PSD3: variants seen among roughly 807,000 people sequenced by gnomAD.
PSD3 encodes pleckstrin and Sec7 domain containing 3.
Under a neutral mutation model 105.5 loss-of-function variants are expected in PSD3, and 49 were observed. The observed-to-expected ratio is 0.46, with a 90% CI of 0.37 to 0.59. The LOEUF (loss-of-function observed/expected upper bound fraction) is 0.59. Among genes scored for constraint, PSD3 ranks in the 20% least tolerant of loss-of-function variants. The pLI is 0.00. For synonymous variants in PSD3, 557 were observed against 457.8 expected (o/e 1.22, Z -2.77); for missense variants, 1,561 against 1,263.8 (o/e 1.24, Z -3.57).
intron 15 of PSD3, among the ~76,000 whole-genome samples, chr8:18,550,836 T>C (rs1800722216): frequency 6.6e-6 from 1 of 152,190 alleles, no homozygotes; most frequent in South Asian, 2.1e-4. Context: ...TCTATTAACC[T>C]ACACTATCTC....
At chr8:18,655,358 A>T (rs1808815280) in intron 10 of PSD3, among the ~76,000 whole-genome samples, 1 of 151,916 alleles carries the variant, frequency 6.6e-6, no homozygotes, top group Admixed American at 6.6e-5. Context: ...TTAAAAGACA[A>T]TTAATTACCT....
At chr8:18,538,422 A>G (rs1043826801) in intron 15 of PSD3, among the ~76,000 whole-genome samples, 4 of 152,228 alleles carry the variant, frequency 2.6e-5, no homozygotes, top group South Asian at 2.1e-4. Context: ...CACAGGACAT[A>G]AAGATTCTAA....
chr8:18,945,431 G>A (rs1374867175), intron 1 of PSD3, among the ~76,000 whole-genome samples: 2 of 152,192 alleles, frequency 1.3e-5, no homozygotes, highest in Admixed American at 1.3e-4. Context: ...AGGAATGCAA[G>A]AAATGTAGCT....
intron 1 of PSD3, among the ~76,000 whole-genome samples, chr8:18,954,510 T>G (rs1025229): frequency 0.33 from 50,366 of 152,024 alleles, 8,561 homozygotes; most frequent in Middle Eastern, 0.53. Context: ...CAATGTTTAG[T>G]TCCCTAATCT....
At chr8:18,610,541 C>T (rs1805185773) in intron 11 of PSD3, among the ~76,000 whole-genome samples, 1 of 152,200 alleles carries the variant, frequency 6.6e-6, no homozygotes, top group Admixed American at 6.5e-5. Context: ...CTGGGGGCTG[C>T]CTGATTTCAG....
intron 12 of PSD3, among the ~76,000 whole-genome samples, chr8:18,585,875 C>G (rs144180482): frequency 6.6e-6 from 1 of 152,236 alleles, no homozygotes; most frequent in Non-Finnish European, 1.5e-5. Context: ...AGTTAAGTGA[C>G]AGACTTGGAG....
chr8:18,849,575 A>G (rs1021726804), intron 4 of PSD3: 1 of 152,086 alleles, frequency 6.6e-6, no homozygotes, highest in Non-Finnish European at 1.5e-5. Context: ...TTATCCTCCT[A>G]CTCACAACTA....
At chr8:18,914,617 C>T (rs916993980) in intron 2 of PSD3, among the ~76,000 whole-genome samples, 4 of 152,034 alleles carry the variant, frequency 2.6e-5, no homozygotes, top group African/African-American at 9.7e-5. Context: ...ATTTGTAACA[C>T]CTACAAAAAG....
chr8:18,639,869 A>T (rs1428213321), intron 10 of PSD3, among the ~76,000 whole-genome samples: 1 of 152,102 alleles, frequency 6.6e-6, no homozygotes, highest in African/African-American at 2.4e-5. Flanking sequence ...GAGAAGAAAA[A>T]CTGGGACAAC....
intron 9 of PSD3, among the ~76,000 whole-genome samples, chr8:18,729,392 A>G (rs955829006): frequency 7.9e-5 from 12 of 152,222 alleles, no homozygotes; most frequent in African/African-American, 2.7e-4. Context: ...TCCATACTCA[A>G]TACCAAGTTC....
intron 9 of PSD3, among the ~76,000 whole-genome samples, chr8:18,705,295 A>T (rs1416525258): frequency 6.6e-6 from 1 of 152,184 alleles, no homozygotes; most frequent in African/African-American, 2.4e-5. Flanking sequence ...TGGGAGGCCA[A>T]GCCGGGTGGA....
intron 11 of PSD3, among the ~76,000 whole-genome samples, chr8:18,619,858 G>A (rs981754432): frequency 2.6e-5 from 4 of 152,138 alleles, no homozygotes; most frequent in African/African-American, 9.7e-5. Flanking sequence ...ATTTTGAAAT[G>A]ACCCTCCAAA....
chr8:18,901,837 T>C (rs1007575748), intron 2 of PSD3, among the ~76,000 whole-genome samples: 1 of 152,212 alleles, frequency 6.6e-6, no homozygotes, highest in African/African-American at 2.4e-5. Context: ...TTTCAGCTCT[T>C]TGACTATGTA....
chr8:18,750,242 G>A lies in PSD3; in HGVS notation c.2172+15207C>T, dbSNP rs572339331. 2.7e-3 allele frequency among the ~76,000 whole-genome samples: 409 copies of A among 152,308 alleles called. 1 individual carries two copies. Among genetic ancestry groups the A allele is most frequent in the African/African-American group, 9.5e-3 (394 of 41,588 alleles). On this transcript the variant is annotated intron_variant, in intron 9 of 15. Coordinates refer to ENST00000327040, the MANE Select transcript of PSD3 (RefSeq NM_015310.4). Reference sequence around the variant, plus strand: ...AAGAATGAAGCCGCGGACCCTCGCGGTGAGTGCTACAGCTCTTAAGGTGGC... The same window carrying A: ...AAGAATGAAGCCGCGGACCCTCGCGATGAGTGCTACAGCTCTTAAGGTGGC...
intron 10 of PSD3, among the ~76,000 whole-genome samples, chr8:18,636,132 A>C (rs1000127528): frequency 6.6e-6 from 1 of 152,148 alleles, no homozygotes; most frequent in Non-Finnish European, 1.5e-5. Flanking sequence ...CAGTGGGACA[A>C]TACATGAGGC....
intron 9 of PSD3, among the ~76,000 whole-genome samples, chr8:18,759,374 G>A (rs1806326822): frequency 1.3e-5 from 2 of 151,964 alleles, no homozygotes; most frequent in Admixed American, 1.3e-4. Context: ...ACCTACTTGT[G>A]TATTTAAATA....
intron 1 of PSD3, among the ~76,000 whole-genome samples, chr8:19,031,058 C>T (rs958423259): frequency 6.6e-6 from 1 of 152,152 alleles, no homozygotes; most frequent in African/African-American, 2.4e-5. Flanking sequence ...CCAGTTCTGG[C>T]AAATGGACTA....
chr8:18,874,521 T>G (rs1250008062), intron 2 of PSD3, among the ~76,000 whole-genome samples: 1 of 151,852 alleles, frequency 6.6e-6, no homozygotes, highest in Non-Finnish European at 1.5e-5. Context: ...AGTGAAATAT[T>G]TTATAAATGT....
chr8:18,747,450 A>G (rs1805121134), intron 9 of PSD3, among the ~76,000 whole-genome samples: 1 of 152,248 alleles, frequency 6.6e-6, no homozygotes, highest in Admixed American at 6.5e-5. Flanking sequence ...ATGTATTCTC[A>G]AAGTCAGATG....
Sources: gnomAD v4.1 joint callset for allele counts (sites outside exome capture counted in the v4.1 genomes callset) on GRCh38, gnomAD v4.1.1 for gene constraint, MANE v1.5 for transcripts, NCBI Gene and HGNC (gene_info 2026-07-23, HGNC 2026-07-21) for gene names.